The following CTNNA3 variants were observed in gnomAD, a reference collection of about 807,000 sequenced individuals.
CTNNA3 encodes the protein catenin alpha 3.
In CTNNA3, 76 loss-of-function variants were observed where a neutral mutation model predicts 95.7. That is an observed-to-expected ratio of 0.79 (90% CI 0.66 to 0.96). The LOEUF is 0.96. CTNNA3 is among the 40% of genes least tolerant of loss of function. CTNNA3 has a pLI of 0.00. For synonymous variants in CTNNA3, 431 were observed against 374.4 expected (o/e 1.15, Z -1.74); for missense variants, 1,191 against 1,089.8 (o/e 1.09, Z -1.31).
At chr10:66,994,516 G>GA (rs951681155) in intron 7 of CTNNA3, among the ~76,000 whole-genome samples, 1 of 151,940 alleles carries the variant, frequency 6.6e-6, no homozygotes, top group Non-Finnish European at 1.5e-5. Flanking sequence ...TCTAAAGTAG[G>GA]AAAAAAGCAG....
At chr10:67,504,452 A>AAAAAAAAAC (rs1839368141) in intron 5 of CTNNA3, among the ~76,000 whole-genome samples, 2 of 149,030 alleles carry the variant, frequency 1.3e-5, no homozygotes, top group Admixed American at 6.7e-5. Context: ...AAAAAAAAAA[A>AAAAAAAAAC]AAAAAAAACA....
intron 7 of CTNNA3, among the ~76,000 whole-genome samples, chr10:67,070,640 G>T (rs1279471317): frequency 6.6e-6 from 1 of 151,878 alleles, no homozygotes; most frequent in Non-Finnish European, 1.5e-5. Flanking sequence ...CCAGCTGCTT[G>T]GGAGGCTGAG....
chr10:66,388,158 A>C (rs2092908213), intron 11 of CTNNA3, among the ~76,000 whole-genome samples: 1 of 152,274 alleles, frequency 6.6e-6, no homozygotes, highest in African/African-American at 2.4e-5. Context: ...TTTAAAAACA[A>C]ATGCAACATA....
intron 1 of CTNNA3, among the ~76,000 whole-genome samples, chr10:67,736,599 G>A (rs1045363772): frequency 2.6e-5 from 4 of 151,746 alleles, no homozygotes; most frequent in Non-Finnish European, 5.9e-5. Context: ...GGGACTACAG[G>A]TGCCCACCAT....
intron 9 of CTNNA3, among the ~76,000 whole-genome samples, chr10:66,711,790 C>T (rs913460522): frequency 1.3e-5 from 2 of 152,120 alleles, no homozygotes; most frequent in Admixed American, 6.5e-5. Flanking sequence ...AGGATGGTCT[C>T]GAACTCCTGA....
Position 66,766,419 on chromosome 10 carries a change from G to C in CTNNA3, c.1129-3C>G, listed in dbSNP as rs760000352. The C allele has an allele frequency of 6.0e-5, 95 of 1,590,096 alleles. 3 individuals carry two copies. In the South Asian group the frequency reaches 1.1e-3, roughly 18 times the overall value. On this transcript the variant is annotated splice_polypyrimidine_tract_variant and splice_region_variant and intron_variant, in intron 8 of 17. Transcript: ENST00000433211. ...TGATCTATAATAGCCTTGCGGAGCT[G>C]AGAAGAAATGAAAAATTCAGGTTTT...
chr10:66,677,726 C>T (rs1846911466), intron 9 of CTNNA3, among the ~76,000 whole-genome samples: 1 of 152,130 alleles, frequency 6.6e-6, no homozygotes, highest in African/African-American at 2.4e-5. Context: ...TAAGCCTCCC[C>T]AGCCATGTGG....
At chr10:66,706,744 C>T (rs967793990) in intron 9 of CTNNA3, among the ~76,000 whole-genome samples, 1 of 151,912 alleles carries the variant, frequency 6.6e-6, no homozygotes, top group African/African-American at 2.4e-5. Flanking sequence ...GTTCTTCCTG[C>T]CATGCAGTCC....
intron 5 of CTNNA3, among the ~76,000 whole-genome samples, chr10:67,356,071 T>G (rs998041131): frequency 5.9e-5 from 9 of 152,046 alleles, no homozygotes; most frequent in Non-Finnish European, 1.3e-4. Flanking sequence ...TTTCCCTCAC[T>G]ACTAGGTCTC....
intron 12 of CTNNA3, among the ~76,000 whole-genome samples, chr10:66,347,307 A>G (rs143477927): frequency 6.6e-6 from 1 of 152,076 alleles, no homozygotes; most frequent in Non-Finnish European, 1.5e-5. Context: ...AGGAAGTTTT[A>G]TGTCTTATTA....
intron 5 of CTNNA3, among the ~76,000 whole-genome samples, chr10:67,279,876 A>G (rs1171724010): frequency 1.3e-5 from 2 of 149,976 alleles, no homozygotes; most frequent in African/African-American, 4.9e-5. Context: ...TGGAAGAGAA[A>G]AAACTGAGAA....
chr10:66,326,985 A>G (rs1173044408), intron 12 of CTNNA3, among the ~76,000 whole-genome samples: 4 of 152,166 alleles, frequency 2.6e-5, no homozygotes, highest in Admixed American at 1.3e-4. Flanking sequence ...AAGTTTAGTC[A>G]AACAGTTAGG....
At chr10:67,580,201 A>G (rs1244067641) in intron 3 of CTNNA3, among the ~76,000 whole-genome samples, 7 of 152,102 alleles carry the variant, frequency 4.6e-5, no homozygotes, top group African/African-American at 1.7e-4. Flanking sequence ...TGACATTTAA[A>G]TCTTTAATCC....
At chr10:65,961,748 G>A (rs910462270) in intron 17 of CTNNA3, among the ~76,000 whole-genome samples, 1 of 147,368 alleles carries the variant, frequency 6.8e-6, no homozygotes, top group African/African-American at 2.5e-5. Context: ...AAGCTCTAGC[G>A]AATAGTTTGT....
chr10:66,174,300 A>G (rs66823588), intron 13 of CTNNA3, among the ~76,000 whole-genome samples: 7,187 of 152,210 alleles, frequency 0.047, 210 homozygotes, highest in African/African-American at 0.066. Context: ...TATAACAAAG[A>G]AAATAACTCT....
intron 9 of CTNNA3, among the ~76,000 whole-genome samples, chr10:66,694,995 G>C (rs1479911428): frequency 1.3e-5 from 2 of 152,088 alleles, no homozygotes; most frequent in Non-Finnish European, 2.9e-5. Context: ...TTTGAACAGA[G>C]GCAAAGAAAT....
In CTNNA3 at chr10:66,630,044, A is replaced by C. The variant is rs370721608; in HGVS notation, c.1282-8260T>G. On this transcript the variant is annotated intron_variant, in intron 9 of 17. Transcript: ENST00000433211. The stretch of plus-strand genomic sequence containing the variant: ...TGGGAAGATTATTTGATTAGCATAC[A>C]TTTCCCCAGATTTATAAAAGCAGGG... Among the ~76,000 whole-genome samples, 28 of 152,162 alleles carry C rather than the reference A, an allele frequency of 1.8e-4. 1 individual carries two copies. In the South Asian group the frequency reaches 5.4e-3, roughly 29 times the overall value.
chr10:66,158,813 A>G (rs997715127), intron 13 of CTNNA3, among the ~76,000 whole-genome samples: 16 of 151,996 alleles, frequency 1.1e-4, no homozygotes, highest in African/African-American at 3.6e-4. Context: ...TGTGTTGTCT[A>G]TGATTTCTTT....
At chr10:67,353,490 C>CAA (rs1407625800) in intron 5 of CTNNA3, among the ~76,000 whole-genome samples, 1,209 of 13,848 alleles carry the variant, frequency 0.087, 26 homozygotes, top group Admixed American at 0.15. Context: ...GTTACATAGT[C>CAA]TTAAAGATTG....
Sources: allele counts gnomAD v4.1 joint callset (sites outside exome capture counted in the v4.1 genomes callset), GRCh38; gene constraint gnomAD v4.1.1; transcripts MANE v1.5; gene names NCBI Gene and HGNC (gene_info 2026-07-23, HGNC 2026-07-21).